Variants in CCNY observed in about 807,000 individuals in gnomAD.
The protein encoded by CCNY is cyclin Y.
A neutral mutation model predicts 42.8 loss-of-function variants in CCNY; 19 were observed. The observed-to-expected ratio is 0.44, with a 90% CI of 0.31 to 0.65. The LOEUF is 0.65. Among genes scored for constraint, CCNY ranks in the 30% least tolerant of loss-of-function variants. The pLI, the probability that CCNY is intolerant of heterozygous loss-of-function variation, is 0.07. For synonymous variants in CCNY, 165 were observed against 162.7 expected (o/e 1.01, Z -0.11); for missense variants, 370 against 437.3 (o/e 0.85, Z 1.37).
intron 7 of CCNY, among the ~76,000 whole-genome samples, chr10:35,533,622 G>GT (rs1302060178): frequency 6.6e-6 from 1 of 152,172 alleles, no homozygotes; most frequent in African/African-American, 2.4e-5. Context: ...TCAGGGGGCT[G>GT]TTGCCTGGCC....
At chr10:35,414,206 A>G (rs997723144) in intron 1 of CCNY, among the ~76,000 whole-genome samples, 1 of 152,174 alleles carries the variant, frequency 6.6e-6, no homozygotes, top group Non-Finnish European at 1.5e-5. Context: ...TGTGCTTCCC[A>G]GTCTCTGACG....
At chr10:35,363,434 C>T (rs529913465) in intron 1 of CCNY, among the ~76,000 whole-genome samples, 6 of 151,548 alleles carry the variant, frequency 4.0e-5, no homozygotes, top group Non-Finnish European at 7.4e-5. Flanking sequence ...GTGGGGCTGC[C>T]GGGCAGAGGT....
chr10:35,333,471 T>C (rs1007922811), upstream of CCNY, among the ~76,000 whole-genome samples: 1 of 152,146 alleles, frequency 6.6e-6, no homozygotes, highest in African/African-American at 2.4e-5. Flanking sequence ...CAGCTTCCTT[T>C]AGGACAGAAA....
chr10:35,397,283 C>T (rs1837547050), intron 1 of CCNY, among the ~76,000 whole-genome samples: 1 of 152,232 alleles, frequency 6.6e-6, no homozygotes, highest in South Asian at 2.1e-4. Flanking sequence ...CCCTTCAAAC[C>T]TACTTACCCC....
intron 1 of CCNY, among the ~76,000 whole-genome samples, chr10:35,405,289 G>GT (rs200025092): frequency 0.021 from 3,242 of 152,192 alleles, 101 homozygotes; most frequent in African/African-American, 0.07. Context: ...GGGTGATTAG[G>GT]TTTTAATGGG....
chr10:35,558,320 C>G (rs1428971800), intron 8 of CCNY, among the ~76,000 whole-genome samples: 1 of 152,214 alleles, frequency 6.6e-6, no homozygotes, highest in Non-Finnish European at 1.5e-5. Flanking sequence ...GGAGAACCTG[C>G]ACACACAGAT....
chr10:35,459,086 T>TA (rs150149128), intron 1 of CCNY, among the ~76,000 whole-genome samples: 1 of 152,158 alleles, frequency 6.6e-6, no homozygotes, highest in Non-Finnish European at 1.5e-5. Flanking sequence ...TCATATTTTG[T>TA]AAAAAAGCTT....
chr10:35,557,813 G>A (rs1174180861), intron 8 of CCNY, among the ~76,000 whole-genome samples: 2 of 152,154 alleles, frequency 1.3e-5, no homozygotes, highest in Non-Finnish European at 2.9e-5. Flanking sequence ...AACCTTATGG[G>A]AAATAGATTT....
At chr10:35,309,163 A>T (rs1055787183) in intron 3 of CCNY, among the ~76,000 whole-genome samples, 1 of 152,238 alleles carries the variant, frequency 6.6e-6, no homozygotes, top group South Asian at 2.1e-4. Flanking sequence ...GCAGTGGCTC[A>T]CGGCTAAAGT....
At chr10:35,451,316 G>A (rs1026298681) in intron 1 of CCNY, among the ~76,000 whole-genome samples, 10 of 152,200 alleles carry the variant, frequency 6.6e-5, no homozygotes, top group African/African-American at 2.4e-4. Flanking sequence ...CCTGGGTGTA[G>A]TTGTTTTGCT....
chr10:35,547,338 C>G (rs534311040), intron 7 of CCNY, among the ~76,000 whole-genome samples: 1 of 152,158 alleles, frequency 6.6e-6, no homozygotes, highest in Non-Finnish European at 1.5e-5. Context: ...TTTTTTCCAC[C>G]AACAGTTGTC....
At chr10:35,545,209 C>G (rs758377528) in intron 7 of CCNY, among the ~76,000 whole-genome samples, 2 of 152,194 alleles carry the variant, frequency 1.3e-5, no homozygotes, top group Non-Finnish European at 2.9e-5. Flanking sequence ...GAGCTACTCC[C>G]GGACTGTGGA....
chr10:35,456,649 C>T (rs1187749736), intron 1 of CCNY, among the ~76,000 whole-genome samples: 1 of 152,190 alleles, frequency 6.6e-6, no homozygotes, highest in Admixed American at 6.5e-5. Context: ...ATCACATTTC[C>T]TTGTGTCTGA....
chr10:35,315,673 G>A (rs1835751830), intron 3 of CCNY, among the ~76,000 whole-genome samples: 1 of 152,144 alleles, frequency 6.6e-6, no homozygotes, highest in Non-Finnish European at 1.5e-5. Context: ...AGTTCTTTGA[G>A]GAATTGCCAC....
intron 2 of CCNY, among the ~76,000 whole-genome samples, chr10:35,250,193 C>CA (rs71523370): frequency 0.2 from 15,286 of 77,584 alleles, 1,607 homozygotes; most frequent in African/African-American, 0.29. Flanking sequence ...GACTCCATCT[C>CA]AAAAAAAAAA....
At chr10:35,301,990 T>G (rs1482370799) in intron 3 of CCNY, among the ~76,000 whole-genome samples, 1 of 151,580 alleles carries the variant, frequency 6.6e-6, no homozygotes, top group African/African-American at 2.4e-5. Flanking sequence ...TGAGGCGGAG[T>G]TTTGCTCTTA....
chr10:35,381,326 G>A (rs750674022), intron 1 of CCNY, among the ~76,000 whole-genome samples: 2 of 152,102 alleles, frequency 1.3e-5, no homozygotes, highest in Admixed American at 6.6e-5. Context: ...TTGGGAGGCC[G>A]AGGCGGGTGG....
At position 35,524,011 on chromosome 10, in the gene CCNY, C is replaced by G. The variant is rs375099723; in HGVS notation, c.366-1953C>G. On this transcript the variant is annotated intron_variant, in intron 4 of 9. Transcript: ENST00000374704. ...CATGAAATATTCCTTTGAAATGTAA[C>G]ATTAGATTAGAAGAACAGTCATCAC... Among the ~76,000 whole-genome samples, 21 of 152,242 alleles carry G rather than the reference C, an allele frequency of 1.4e-4. No homozygotes were observed. The East Asian group carries it at 1.9e-3, about 14-fold the overall frequency.
chr10:35,254,485 T>C (rs1052668140), intron 3 of CCNY, among the ~76,000 whole-genome samples: 2 of 152,186 alleles, frequency 1.3e-5, no homozygotes, highest in Non-Finnish European at 2.9e-5. Context: ...AATGCTGACC[T>C]ATTACATGTT....
Sources: gnomAD v4.1 joint callset for allele counts (sites outside exome capture counted in the v4.1 genomes callset) on GRCh38, gnomAD v4.1.1 for gene constraint, MANE v1.5 for transcripts, NCBI Gene and HGNC (gene_info 2026-07-23, HGNC 2026-07-21) for gene names.